Variants in LIN52 observed in about 807,000 individuals in gnomAD.
LIN52 encodes protein lin-52 homolog.
In LIN52, 4 loss-of-function variants were observed where a neutral mutation model predicts 18.5. The observed-to-expected ratio is 0.22, with a 90% CI of 0.11 to 0.49. The LOEUF (loss-of-function observed/expected upper bound fraction) is 0.49. Ranked by LOEUF, LIN52 falls within the 20% of genes least tolerant of loss-of-function variation. The pLI, the probability that LIN52 is intolerant of heterozygous loss-of-function variation, is 0.97. For missense variants in LIN52, 102 were observed against 139.5 expected (o/e 0.73, Z 1.35); for synonymous variants, 34 against 45.5 (o/e 0.75, Z 1.02).
At chr14:74,187,484 T>C (rs2061346245) in intron 5 of LIN52, among the ~76,000 whole-genome samples, 1 of 152,204 alleles carries the variant, frequency 6.6e-6, no homozygotes. Context: ...GGGATATTTG[T>C]TGTACAAGAA....
intron 5 of LIN52, among the ~76,000 whole-genome samples, chr14:74,156,762 A>G (rs577202152): frequency 5.4e-4 from 82 of 152,194 alleles, no homozygotes; most frequent in Middle Eastern, 3.4e-3. Context: ...CCTAGCTGTA[A>G]TTTTGTATCC....
At chr14:74,191,194 GCT>G (rs1266755519) in intron 5 of LIN52, among the ~76,000 whole-genome samples, 2 of 152,208 alleles carry the variant, frequency 1.3e-5, no homozygotes, top group Admixed American at 6.5e-5. Context: ...AAATCACATT[GCT>G]CTCTTTTTGT....
At chr14:74,161,176 C>T (rs1158033494) in intron 5 of LIN52, among the ~76,000 whole-genome samples, 1 of 152,004 alleles carries the variant, frequency 6.6e-6, no homozygotes, top group Non-Finnish European at 1.5e-5. Flanking sequence ...GTAATTTGAA[C>T]AGGGAAAAAT....
At chr14:74,158,011 T>C (rs1482655424) in intron 5 of LIN52, among the ~76,000 whole-genome samples, 1 of 152,140 alleles carries the variant, frequency 6.6e-6, no homozygotes, top group African/African-American at 2.4e-5. Flanking sequence ...TTTGCCCTTA[T>C]GACATTCACT....
chr14:74,171,363 TAAA>T (rs527734909), intron 5 of LIN52, among the ~76,000 whole-genome samples: 2 of 122,940 alleles, frequency 1.6e-5, no homozygotes. Context: ...AGAGCCTGTC[TAAA>T]AAAAAAAAAA....
intron 5 of LIN52, among the ~76,000 whole-genome samples, chr14:74,113,067 A>T (rs1279432624): frequency 6.6e-6 from 1 of 152,190 alleles, no homozygotes; most frequent in East Asian, 1.9e-4. Flanking sequence ...AAGGGAAATG[A>T]GTATGGTAAT....
intron 5 of LIN52, among the ~76,000 whole-genome samples, chr14:74,196,839 A>C (rs553670841): frequency 7.9e-5 from 12 of 152,342 alleles, no homozygotes; most frequent in African/African-American, 2.9e-4. Flanking sequence ...GGGTATTAAC[A>C]TGCTCTCCGT....
At chr14:74,128,053 A>C in intron 5 of LIN52, among the ~76,000 whole-genome samples, 1 of 152,218 alleles carries the variant, frequency 6.6e-6, no homozygotes, top group East Asian at 1.9e-4. Context: ...TACCTGAAAC[A>C]GTTTTTTTAA....
chr14:74,195,951 G>A (rs2078909773), intron 5 of LIN52, among the ~76,000 whole-genome samples: 1 of 152,188 alleles, frequency 6.6e-6, no homozygotes, highest in African/African-American at 2.4e-5. Context: ...CTGACCCACA[G>A]CAATTTCTCT....
intron 5 of LIN52, among the ~76,000 whole-genome samples, chr14:74,138,517 C>T (rs891582512): frequency 3.9e-5 from 6 of 152,102 alleles, no homozygotes; most frequent in African/African-American, 1.4e-4. Context: ...TCTTTGAAGG[C>T]CAACGTGGCA....
intron 5 of LIN52, among the ~76,000 whole-genome samples, chr14:74,154,493 A>G (rs753933837): frequency 2.0e-5 from 3 of 152,178 alleles, no homozygotes; most frequent in Non-Finnish European, 4.4e-5. Flanking sequence ...TTTATATTTT[A>G]TCATTTTTCC....
intron 1 of LIN52, among the ~76,000 whole-genome samples, chr14:74,089,847 CAG>C (rs775455111): frequency 1.3e-5 from 2 of 152,002 alleles, no homozygotes; most frequent in Non-Finnish European, 2.9e-5. Flanking sequence ...GGACATACGA[CAG>C]GGGTGTGGCT....
At chr14:74,091,773 CA>C (rs573705378) in intron 2 of LIN52, among the ~76,000 whole-genome samples, 16,184 of 65,780 alleles carry the variant, frequency 0.25, 509 homozygotes, top group Admixed American at 0.29. Flanking sequence ...GACTCTGTCT[CA>C]AAAAAAAAAA....
Position 74,158,429 on chromosome 14 carries a change from C to T in LIN52, c.284-40493C>T, listed in dbSNP as rs183008469. 4.1e-4 allele frequency among the ~76,000 whole-genome samples: 61 copies of T among 149,994 alleles called. No homozygotes were observed. In the East Asian group the frequency reaches 0.012, roughly 30 times the overall value. The stretch of plus-strand genomic sequence containing the variant: ...TGCGTGGCCCGCCCCCTACTGCTGT[C>T]GTAAGTTATTTCTTCCTTTCTTTCT... On this transcript the variant is annotated intron_variant, in intron 5 of 5. Transcript: ENST00000555028.
Position 74,132,205 on chromosome 14 carries a change from C to T in LIN52, c.283+30967C>T, listed in dbSNP as rs1327940426. On this transcript the variant is annotated intron_variant, in intron 5 of 5. Coordinates refer to ENST00000555028, the MANE Select transcript of LIN52 (RefSeq NM_001024674.3). ...CCCAGAGTCACAGTTATTTGTAAAACTGGGGCTGGAGTCCAGGTCTTCTGA... is the reference window on the plus strand; with the variant it reads ...CCCAGAGTCACAGTTATTTGTAAAATTGGGGCTGGAGTCCAGGTCTTCTGA... 2.0e-5 allele frequency among the ~76,000 whole-genome samples: 3 copies of T among 152,198 alleles called. No individual in the cohort carries two copies. In the East Asian group the frequency reaches 5.8e-4, roughly 29 times the overall value.
At chr14:74,154,158 G>A (rs920762162) in intron 5 of LIN52, among the ~76,000 whole-genome samples, 1 of 150,926 alleles carries the variant, frequency 6.6e-6, no homozygotes, top group African/African-American at 2.4e-5. Flanking sequence ...CTAGGATACT[G>A]TATTACATTT....
At chr14:74,165,968 C>T (rs555658351) in intron 5 of LIN52, among the ~76,000 whole-genome samples, 4 of 150,834 alleles carry the variant, frequency 2.7e-5, no homozygotes, top group African/African-American at 4.9e-5. Context: ...CTCAGCTCAC[C>T]GCAACTTCCA....
intron 5 of LIN52, among the ~76,000 whole-genome samples, chr14:74,181,149 A>G (rs1340839214): frequency 6.6e-6 from 1 of 151,232 alleles, no homozygotes; most frequent in African/African-American, 2.4e-5. Context: ...AAGAAAAGGA[A>G]AGAATGGAAG....
chr14:74,136,114 C>A (rs750336337), intron 5 of LIN52, among the ~76,000 whole-genome samples: 1 of 152,176 alleles, frequency 6.6e-6, no homozygotes, highest in Admixed American at 6.5e-5. Context: ...CAAACAAATA[C>A]AATAATCTAA....
Sources: gnomAD v4.1 joint callset for allele counts (sites outside exome capture counted in the v4.1 genomes callset) on GRCh38, gnomAD v4.1.1 for gene constraint, MANE v1.5 for transcripts, NCBI Gene and HGNC (gene_info 2026-07-23, HGNC 2026-07-21) for gene names.